The following GRID1 variants were observed in gnomAD, a reference collection of about 807,000 sequenced individuals.
The protein encoded by GRID1 is glutamate receptor ionotropic, delta-1.
In GRID1, 28 loss-of-function variants were observed where a neutral mutation model predicts 98.0. The ratio of observed to expected loss-of-function variants is 0.29; its 90% CI spans 0.21 to 0.39. The LOEUF is 0.39. GRID1 is among the 10% of genes least tolerant of loss of function. The pLI is 1.00. For missense variants in GRID1, 1,111 were observed against 1,340.5 expected (o/e 0.83, Z 2.67); for synonymous variants, 553 against 538.5 (o/e 1.03, Z -0.37).
chr10:85,619,117 T>C (rs1482037010), intron 14 of GRID1, among the ~76,000 whole-genome samples: 4 of 152,202 alleles, frequency 2.6e-5, no homozygotes. Flanking sequence ...CAAAATGCCC[T>C]TCACAGATAT....
intron 12 of GRID1, among the ~76,000 whole-genome samples, chr10:85,662,303 G>A (rs1474757984): frequency 6.6e-6 from 1 of 152,198 alleles, no homozygotes; most frequent in African/African-American, 2.4e-5. Context: ...TATTTCTGAT[G>A]TTCCTTCATG....
At chr10:86,260,613 G>A (rs1015177422) in intron 2 of GRID1, among the ~76,000 whole-genome samples, 3 of 152,232 alleles carry the variant, frequency 2.0e-5, no homozygotes, top group African/African-American at 7.2e-5. Context: ...AGGCCAGGGA[G>A]GGCTGTTAAG....
At chr10:86,006,554 G>A (rs1197772358) in intron 4 of GRID1, among the ~76,000 whole-genome samples, 1 of 152,014 alleles carries the variant, frequency 6.6e-6, no homozygotes, top group Non-Finnish European at 1.5e-5. Context: ...GGAGGCGGAG[G>A]TTGCAGTGAG....
chr10:85,607,660 C>T (rs1380599761), intron 15 of GRID1, among the ~76,000 whole-genome samples: 1 of 152,092 alleles, frequency 6.6e-6, no homozygotes, highest in African/African-American at 2.4e-5. Flanking sequence ...GACTTCACAT[C>T]GTGGGTGGTA....
chr10:85,642,808 ACT>A (rs1271183890), intron 13 of GRID1, among the ~76,000 whole-genome samples: 2 of 152,106 alleles, frequency 1.3e-5, no homozygotes, highest in East Asian at 1.9e-4. Flanking sequence ...CATGAGTAAG[ACT>A]CTATTTCCAG....
intron 4 of GRID1, among the ~76,000 whole-genome samples, chr10:85,946,570 T>C (rs1294216724): frequency 6.6e-6 from 1 of 152,140 alleles, no homozygotes; most frequent in East Asian, 1.9e-4. Flanking sequence ...GAGAGAAAAA[T>C]GCTCAGGCAA....
Position 85,623,113 on chromosome 10 carries a change from G to A in GRID1, c.2194-3080C>T, listed in dbSNP as rs551077408. Among the ~76,000 whole-genome samples the A allele has an allele frequency of 2.6e-5, 4 of 152,276 alleles. No individual in the cohort carries two copies. The South Asian group carries it at 8.3e-4, about 32-fold the overall frequency. The stretch of plus-strand genomic sequence containing the variant: ...TCGTCTTCACTTCCTTGGCATCCTA[G>A]AGCTTCCTCAGCCTTTCTCTTTCAA... On this transcript the variant is annotated intron_variant, in intron 13 of 15. Coordinates refer to ENST00000327946, the MANE Select transcript of GRID1 (RefSeq NM_017551.3).
At position 85,847,067 on chromosome 10, in the gene GRID1, C is replaced by T. The variant is rs370823649; in HGVS notation, c.1233+7429G>A. ...AGAGAAATTCTGCCAATGTTACCTA[C>T]GCATCTAGCAGGAAACCCTCACCTG... is the stretch of plus-strand genomic sequence containing the variant. On this transcript the variant is annotated intron_variant, in intron 8 of 15. Coordinates refer to ENST00000327946, the MANE Select transcript of GRID1 (RefSeq NM_017551.3). Among the ~76,000 whole-genome samples, 46 of 152,244 alleles carry T rather than the reference C, an allele frequency of 3.0e-4. No individual in the cohort carries two copies. In the East Asian group the frequency reaches 6.6e-3, roughly 22 times the overall value.
chr10:85,710,003 T>C (rs1301772847), intron 12 of GRID1, among the ~76,000 whole-genome samples: 1 of 152,126 alleles, frequency 6.6e-6, no homozygotes, highest in Non-Finnish European at 1.5e-5. Flanking sequence ...TAAATAGACA[T>C]CTTATGCTAA....
At chr10:85,772,880 A>T (rs891660235) in intron 8 of GRID1, among the ~76,000 whole-genome samples, 1 of 152,212 alleles carries the variant, frequency 6.6e-6, no homozygotes, top group African/African-American at 2.4e-5. Flanking sequence ...TCACAGCCGA[A>T]TTCTACCACA....
intron 4 of GRID1, among the ~76,000 whole-genome samples, chr10:85,942,682 C>G (rs1235295897): frequency 6.6e-6 from 1 of 152,158 alleles, no homozygotes. Context: ...CAAGCCTTCT[C>G]CTCAAATCAA....
intron 2 of GRID1, among the ~76,000 whole-genome samples, chr10:86,312,426 G>A (rs1373386086): frequency 2.0e-5 from 3 of 152,202 alleles, no homozygotes; most frequent in African/African-American, 7.2e-5. Flanking sequence ...GCAAAGGGAG[G>A]GGACTGCTTT....
intron 8 of GRID1, among the ~76,000 whole-genome samples, chr10:85,831,796 C>G (rs542071045): frequency 5.3e-5 from 8 of 151,698 alleles, no homozygotes; most frequent in African/African-American, 1.9e-4. Context: ...TCAAAATATA[C>G]GGAATTCAGC....
intron 4 of GRID1, among the ~76,000 whole-genome samples, chr10:86,009,330 T>C (rs1842899738): frequency 6.6e-6 from 1 of 152,202 alleles, no homozygotes; most frequent in Admixed American, 6.5e-5. Flanking sequence ...CACAGTGAGA[T>C]AAATTGGGAT....
At chr10:86,232,516 AC>A (rs1272906124) in intron 2 of GRID1, among the ~76,000 whole-genome samples, 1 of 152,048 alleles carries the variant, frequency 6.6e-6, no homozygotes, top group Non-Finnish European at 1.5e-5. Flanking sequence ...TCCTGAACCT[AC>A]CCCCACCACC....
intron 4 of GRID1, among the ~76,000 whole-genome samples, chr10:86,030,148 T>C (rs1843166661): frequency 6.6e-6 from 1 of 152,230 alleles, no homozygotes; most frequent in Non-Finnish European, 1.5e-5. Context: ...CTTTTTGGTT[T>C]TGGTAGTATA....
chr10:85,870,489 T>A (rs1200738330), intron 5 of GRID1, among the ~76,000 whole-genome samples: 1 of 152,242 alleles, frequency 6.6e-6, no homozygotes, highest in Non-Finnish European at 1.5e-5. Flanking sequence ...CTCCCTTTCA[T>A]ATATACTTCT....
chr10:86,214,303 T>G (rs1182049919), intron 2 of GRID1, among the ~76,000 whole-genome samples: 2 of 152,202 alleles, frequency 1.3e-5, no homozygotes, highest in African/African-American at 2.4e-5. Context: ...GCCAGGACTC[T>G]TCCCACACTC....
chr10:86,286,382 T>C (rs1847431949), intron 2 of GRID1, among the ~76,000 whole-genome samples: 2 of 152,122 alleles, frequency 1.3e-5, no homozygotes, highest in African/African-American at 4.8e-5. Context: ...TGGGTGGAGA[T>C]GAGACCATCT....
Sources: gnomAD v4.1 joint callset for allele counts (sites outside exome capture counted in the v4.1 genomes callset) on GRCh38, gnomAD v4.1.1 for gene constraint, MANE v1.5 for transcripts, NCBI Gene and HGNC (gene_info 2026-07-23, HGNC 2026-07-21) for gene names.